LINGO2: variants seen among roughly 807,000 people sequenced by gnomAD.
LINGO2 encodes the protein leucine-rich repeat and immunoglobulin-like domain-containing nogo receptor-interacting protein 2.
A neutral mutation model predicts 30.6 loss-of-function variants in LINGO2; 14 were observed. The observed-to-expected ratio is 0.46, with a 90% CI of 0.30 to 0.72. The LOEUF (loss-of-function observed/expected upper bound fraction) is 0.72, where lower values mean the gene tolerates loss of function less well. LINGO2 is among the 30% of genes least tolerant of loss of function. LINGO2 has a pLI of 0.07. For missense variants in LINGO2, 729 were observed against 751.7 expected (o/e 0.97, Z 0.35); for synonymous variants, 317 against 288.5 (o/e 1.10, Z -1.00).
At chr9:28,510,195 T>C (rs1045465239) in intron 1 of LINGO2, among the ~76,000 whole-genome samples, 12 of 152,172 alleles carry the variant, frequency 7.9e-5, no homozygotes, top group African/African-American at 2.9e-4. Context: ...CAGTTGACCC[T>C]AGAACAATGC....
chr9:28,286,792 C>T (rs1199869253), intron 4 of LINGO2, among the ~76,000 whole-genome samples: 4 of 152,014 alleles, frequency 2.6e-5, no homozygotes, highest in African/African-American at 9.7e-5. Flanking sequence ...GGAAACAACA[C>T]ATAATGGGGC....
the LINGO2 span, among the ~76,000 whole-genome samples, chr9:28,981,490 T>A: frequency 1.4e-4 from 21 of 152,156 alleles, no homozygotes; most frequent in Non-Finnish European, 2.5e-4. Flanking sequence ...TCTGCTGTTA[T>A]GGTAAACACT....
At chr9:28,430,119 T>C (rs984762918) in intron 2 of LINGO2, among the ~76,000 whole-genome samples, 10 of 151,466 alleles carry the variant, frequency 6.6e-5, no homozygotes, top group South Asian at 4.2e-4. Context: ...CGTGTGTGTG[T>C]GTGTGTGTGT....
At chr9:28,137,346 T>G (rs1429484179) in intron 4 of LINGO2, among the ~76,000 whole-genome samples, 1 of 152,136 alleles carries the variant, frequency 6.6e-6, no homozygotes, top group Non-Finnish European at 1.5e-5. Flanking sequence ...TTTAACTTCT[T>G]GTTAAGACTT....
At chr9:28,736,512 C>T in the LINGO2 span, among the ~76,000 whole-genome samples, 1 of 152,056 alleles carries the variant, frequency 6.6e-6, no homozygotes, top group Non-Finnish European at 1.5e-5. Context: ...ATAAGTAGGC[C>T]GGGCGTGGTG....
At chr9:28,125,085 C>T (rs1827200535) in intron 4 of LINGO2, among the ~76,000 whole-genome samples, 1 of 152,152 alleles carries the variant, frequency 6.6e-6, no homozygotes, top group African/African-American at 2.4e-5. Flanking sequence ...ATTCAGAACT[C>T]TGGAGCCAGA....
chr9:28,757,446 T>C, the LINGO2 span, among the ~76,000 whole-genome samples: 3 of 152,038 alleles, frequency 2.0e-5, no homozygotes, highest in Admixed American at 6.5e-5. Context: ...TGAATTTGTA[T>C]TCAAATTGTG....
At chr9:28,711,202 T>C in the LINGO2 span, among the ~76,000 whole-genome samples, 1 of 152,294 alleles carries the variant, frequency 6.6e-6, no homozygotes, top group South Asian at 2.1e-4. Flanking sequence ...AAAATATATT[T>C]TTATGTGCTT....
chr9:28,437,160 G>T (rs1028103327), intron 2 of LINGO2, among the ~76,000 whole-genome samples: 7 of 152,236 alleles, frequency 4.6e-5, no homozygotes, highest in Admixed American at 3.9e-4. Context: ...CACTCTCAAT[G>T]TAGTGGTCAC....
rs182066795 is a variant in LINGO2 at position 28,492,853 on chromosome 9, A to C, written c.-364-16828T>G. The stretch of plus-strand genomic sequence containing the variant: ...AGAAAAACAACAACAACAACAACAA[A>C]AAAACGGTGAGGGGAGCGGGCGGGT... On this transcript the variant is annotated intron_variant, in intron 1 of 5. Coordinates refer to ENST00000379992, the Ensembl canonical transcript of LINGO2. Among the ~76,000 whole-genome samples the C allele has an allele frequency of 2.8e-3, 422 of 152,270 alleles. 3 individuals are homozygous for C. The highest frequency in any genetic ancestry group is 0.012 in the Admixed American group (190 of 15,288).
chr9:27,975,583 C>A (rs1426153540), intron 5 of LINGO2, among the ~76,000 whole-genome samples: 5 of 151,932 alleles, frequency 3.3e-5, no homozygotes, highest in Non-Finnish European at 5.9e-5. Flanking sequence ...GTACCTGGAC[C>A]CTACTTCTTT....
rs73431322 is a variant in LINGO2 at position 28,289,010 on chromosome 9, G to C, written c.-87+6198C>G. 8.2e-3 allele frequency among the ~76,000 whole-genome samples: 1,252 copies of C among 152,184 alleles called. 24 individuals carry two copies. The highest frequency in any genetic ancestry group is 0.029 in the African/African-American group (1,190 of 41,516). On this transcript the variant is annotated intron_variant, in intron 4 of 5. Transcript: ENST00000379992. ...TGAGCCTATAGTAATGTAATCCTAAGCTTGGCAAATCTTTACTTTAAAAAA... is the reference window on the plus strand; with the variant it reads ...TGAGCCTATAGTAATGTAATCCTAACCTTGGCAAATCTTTACTTTAAAAAA...
chr9:27,984,619 C>G (rs1322435407), intron 5 of LINGO2, among the ~76,000 whole-genome samples: 1 of 151,764 alleles, frequency 6.6e-6, no homozygotes, highest in African/African-American at 2.4e-5. Context: ...TACTATAGAT[C>G]ACTGAGAAAA....
At chr9:28,822,041 C>G in the LINGO2 span, among the ~76,000 whole-genome samples, 1 of 152,256 alleles carries the variant, frequency 6.6e-6, no homozygotes, top group East Asian at 1.9e-4. Flanking sequence ...CCAGCCTGGT[C>G]AGAGCAAGCC....
intron 2 of LINGO2, among the ~76,000 whole-genome samples, chr9:28,393,285 G>T (rs1156949154): frequency 6.6e-6 from 1 of 152,212 alleles, no homozygotes; most frequent in East Asian, 1.9e-4. Flanking sequence ...TAGGATAAAA[G>T]GACATATATT....
At chr9:28,750,336 G>T in the LINGO2 span, among the ~76,000 whole-genome samples, 1 of 152,120 alleles carries the variant, frequency 6.6e-6, no homozygotes, top group Non-Finnish European at 1.5e-5. Flanking sequence ...CGTAAGCCAA[G>T]ATTCTATTTT....
the LINGO2 span, among the ~76,000 whole-genome samples, chr9:28,959,610 C>CTCTCTCT: frequency 9.5e-4 from 135 of 141,702 alleles, no homozygotes; most frequent in African/African-American, 2.7e-3. Flanking sequence ...TCTCTCTCTC[C>CTCTCTCT]CTCACACACA....
chr9:28,325,972 A>T (rs1199105251), intron 3 of LINGO2, among the ~76,000 whole-genome samples: 1 of 152,132 alleles, frequency 6.6e-6, no homozygotes, highest in African/African-American at 2.4e-5. Context: ...AAGTCTGTCC[A>T]TTGCAATTCT....
At chr9:28,014,235 G>T (rs1307464869) in intron 4 of LINGO2, among the ~76,000 whole-genome samples, 1 of 152,084 alleles carries the variant, frequency 6.6e-6, no homozygotes, top group Non-Finnish European at 1.5e-5. Flanking sequence ...TGAGCTGGAA[G>T]AAAATAAAGA....
Sources: gnomAD v4.1 joint callset for allele counts (sites outside exome capture counted in the v4.1 genomes callset) on GRCh38, gnomAD v4.1.1 for gene constraint, MANE v1.5 for transcripts, NCBI Gene and HGNC (gene_info 2026-07-23, HGNC 2026-07-21) for gene names.